MACROD2: variants seen among roughly 807,000 people sequenced by gnomAD.
The protein encoded by MACROD2 is mono-ADP ribosylhydrolase 2.
In MACROD2, 36 loss-of-function variants were observed where a neutral mutation model predicts 70.4. The ratio of observed to expected loss-of-function variants is 0.51; its 90% CI spans 0.39 to 0.68. The LOEUF is 0.68. Ranked by LOEUF, MACROD2 falls within the 30% of genes least tolerant of loss-of-function variation. The pLI is 0.00. For missense variants in MACROD2, 496 were observed against 538.4 expected (o/e 0.92, Z 0.78); for synonymous variants, 172 against 178.8 (o/e 0.96, Z 0.30).
chr20:14,318,130 A>G (rs1461313814), intron 3 of MACROD2, among the ~76,000 whole-genome samples: 2 of 152,192 alleles, frequency 1.3e-5, no homozygotes, highest in African/African-American at 4.8e-5. Flanking sequence ...TTAATGGAAC[A>G]TTGATATGAA....
chr20:14,410,607 C>A (rs2083739359), intron 3 of MACROD2, among the ~76,000 whole-genome samples: 1 of 152,122 alleles, frequency 6.6e-6, no homozygotes, highest in South Asian at 2.1e-4. Flanking sequence ...ATTTGTACTT[C>A]TAATAAGCTT....
At chr20:15,495,826 A>C (rs1157932424) in intron 7 of MACROD2, among the ~76,000 whole-genome samples, 1 of 152,242 alleles carries the variant, frequency 6.6e-6, no homozygotes, top group African/African-American at 2.4e-5. Flanking sequence ...TGAAAACACA[A>C]CATAGGGAGT....
intron 2 of MACROD2, among the ~76,000 whole-genome samples, chr20:14,072,725 G>A (rs2053863283): frequency 6.6e-6 from 1 of 152,116 alleles, no homozygotes. Context: ...ACGAGGTCAG[G>A]AGATCGAGAC....
intron 4 of MACROD2, among the ~76,000 whole-genome samples, chr20:14,553,406 A>T (rs1298144738): frequency 5.0e-5 from 7 of 140,840 alleles, no homozygotes; most frequent in Non-Finnish European, 1.1e-4. Flanking sequence ...TTTTCTAGTT[A>T]ACTTTTTTTT....
chr20:15,006,141 ATGTGTGTGTGTGTGTG>A lies in MACROD2; in HGVS notation c.419-223773_419-223758del, dbSNP rs11473589. On this transcript the variant is annotated intron_variant, in intron 5 of 17. Coordinates refer to ENST00000684519, the MANE Select transcript of MACROD2 (RefSeq NM_001351661.2). ...CAAAGAATGCATTTTATATATATAT[ATGTGTGTGTGTGTGTG>A]TGTGTGTGTGTGTGTGTGTGTGTGT... 6.0e-5 allele frequency among the ~76,000 whole-genome samples: 8 copies of A among 134,364 alleles called. No homozygotes were observed. The South Asian group carries it at 7.4e-4, about 12-fold the overall frequency. 88.1% of individuals were successfully genotyped at this position (134,364 alleles called of 152,430 possible). A position where few individuals can be genotyped will look rare whatever the true frequency, so the allele number is the denominator to read the frequency against.
intron 6 of MACROD2, among the ~76,000 whole-genome samples, chr20:15,377,837 G>A (rs1025646452): frequency 3.9e-5 from 6 of 152,214 alleles, no homozygotes; most frequent in African/African-American, 1.4e-4. Context: ...TGATGACAAC[G>A]AGAACAGGAA....
chr20:15,364,473 A>G (rs1450298281), intron 6 of MACROD2, among the ~76,000 whole-genome samples: 1 of 152,230 alleles, frequency 6.6e-6, no homozygotes, highest in Non-Finnish European at 1.5e-5. Context: ...TAGTTTATTA[A>G]GCACCTAGTG....
intron 5 of MACROD2, among the ~76,000 whole-genome samples, chr20:15,080,343 C>T (rs1283681938): frequency 1.3e-5 from 2 of 152,088 alleles, no homozygotes; most frequent in Non-Finnish European, 2.9e-5. Flanking sequence ...TTCCCTCTTA[C>T]CAAATACACT....
intron 3 of MACROD2, among the ~76,000 whole-genome samples, chr20:14,227,383 A>G (rs937855316): frequency 5.9e-5 from 9 of 152,100 alleles, no homozygotes; most frequent in Admixed American, 3.3e-4. Context: ...GGTCCACGCT[A>G]CCTTTATGAG....
rs566913946 is a variant in MACROD2, at chr20:14,245,550, C to G, written c.271+159822C>G. 2.0e-5 allele frequency among the ~76,000 whole-genome samples: 3 copies of G among 152,256 alleles called. No individual in the cohort carries two copies. In the South Asian group the frequency reaches 6.2e-4, roughly 32 times the overall value. ...ATTAAATCCAGCATAGAACTCAGGT[C>G]TGAGGAACTCCCAATCCATTGCTTA... On this transcript the variant is annotated intron_variant, in intron 3 of 17. Transcript: ENST00000684519.
chr20:15,220,616 C>A lies in MACROD2; in HGVS notation c.419-9324C>A, dbSNP rs149772738. Among the ~76,000 whole-genome samples, 126 of 152,298 alleles carry A rather than the reference C, an allele frequency of 8.3e-4. 4 individuals carry two copies. The East Asian group carries it at 0.022, about 27-fold the overall frequency. Reference sequence around the variant, plus strand: ...GTTCAAAGTCATATTAATGGTTTATCGTAAGTGATATTATAGAGCAACAGA... The same window carrying A: ...GTTCAAAGTCATATTAATGGTTTATAGTAAGTGATATTATAGAGCAACAGA... On this transcript the variant is annotated intron_variant, in intron 5 of 17. Transcript: ENST00000684519.
At chr20:14,250,754 A>T (rs1051185802) in intron 3 of MACROD2, among the ~76,000 whole-genome samples, 1 of 152,126 alleles carries the variant, frequency 6.6e-6, no homozygotes, top group African/African-American at 2.4e-5. Context: ...AGTGATAATA[A>T]TAACAGTAAT....
intron 8 of MACROD2, among the ~76,000 whole-genome samples, chr20:15,547,467 T>A (rs910635518): frequency 7.2e-5 from 11 of 152,218 alleles, no homozygotes; most frequent in African/African-American, 2.4e-4. Context: ...TGAGGGATCA[T>A]GTCTCTAAGC....
At chr20:14,637,670 G>GACA (rs1291641724) in intron 4 of MACROD2, among the ~76,000 whole-genome samples, 6 of 152,084 alleles carry the variant, frequency 3.9e-5, no homozygotes, top group Admixed American at 3.9e-4. Flanking sequence ...TTTTTGAATT[G>GACA]GTGTCCAGGT....
At chr20:15,775,159 A>T (rs578010684) in intron 8 of MACROD2, among the ~76,000 whole-genome samples, 1 of 152,190 alleles carries the variant, frequency 6.6e-6, no homozygotes, top group South Asian at 2.1e-4. Context: ...CTGTAGGAGG[A>T]GTCATGAATA....
intron 5 of MACROD2, among the ~76,000 whole-genome samples, chr20:14,977,478 C>T (rs1377802812): frequency 3.3e-5 from 5 of 151,400 alleles, no homozygotes; most frequent in African/African-American, 9.7e-5. Flanking sequence ...CACACACACA[C>T]ACACACACAC....
chr20:15,723,320 G>C (rs2050815569), intron 8 of MACROD2, among the ~76,000 whole-genome samples: 1 of 152,072 alleles, frequency 6.6e-6, no homozygotes, highest in Non-Finnish European at 1.5e-5. Flanking sequence ...GCTTACATTA[G>C]GGATTTCTCT....
intron 8 of MACROD2, among the ~76,000 whole-genome samples, chr20:15,771,024 A>G (rs2051615579): frequency 1.3e-5 from 2 of 152,184 alleles, no homozygotes; most frequent in South Asian, 4.1e-4. Context: ...TATTTGCAGA[A>G]CAATAATCCA....
intron 8 of MACROD2, among the ~76,000 whole-genome samples, chr20:15,830,099 T>G (rs972273894): frequency 6.6e-6 from 1 of 152,110 alleles, no homozygotes; most frequent in African/African-American, 2.4e-5. Context: ...CTCATGAAAG[T>G]GCAAGTGGTG....
Sources: allele counts gnomAD v4.1 joint callset (sites outside exome capture counted in the v4.1 genomes callset), GRCh38; gene constraint gnomAD v4.1.1; transcripts MANE v1.5; gene names NCBI Gene and HGNC (gene_info 2026-07-23, HGNC 2026-07-21).